GDF5: variants seen among roughly 807,000 people sequenced by gnomAD.
The protein encoded by GDF5 is growth differentiation factor 5.
In GDF5, 17 loss-of-function variants were observed where a neutral mutation model predicts 34.6. The ratio of observed to expected loss-of-function variants is 0.49; its 90% CI spans 0.34 to 0.74. GDF5 has a LOEUF of 0.74. Among genes scored for constraint, GDF5 ranks in the 30% least tolerant of loss-of-function variants. The pLI is 0.01. For missense variants in GDF5, 616 were observed against 661.2 expected, an observed-to-expected ratio of 0.93 and a Z score of 0.75; for synonymous variants, 332 against 290.7, an observed-to-expected ratio of 1.14 and a Z score of -1.44.
intron 1 of GDF5, among the ~76,000 whole-genome samples, chr20:35,443,418 A>T (rs1027910747): frequency 2.6e-5 from 4 of 152,098 alleles, no homozygotes; most frequent in Admixed American, 6.6e-5. Context: ...CCCTTCTGCC[A>T]TGTAGAGCCT....
At chr20:35,450,825 A>C (rs1479357970) in intron 1 of GDF5, among the ~76,000 whole-genome samples, 1 of 151,678 alleles carries the variant, frequency 6.6e-6, no homozygotes, top group East Asian at 1.9e-4. Context: ...CCCTAAGTGC[A>C]ATGGTATGGA....
At chr20:35,442,893 A>G (rs1358135892), upstream of GDF5, among the ~76,000 whole-genome samples, 1 of 152,086 alleles carries the variant, frequency 6.6e-6, no homozygotes, top group Non-Finnish European at 1.5e-5. Context: ...AGAAAGGTTA[A>G]ATTATTTTTT....
intron 1 of GDF5, chr20:35,435,089 C>T: frequency 1.6e-6 from 1 of 607,386 alleles, no homozygotes; most frequent in South Asian, 2.1e-5. Flanking sequence ...CTGCCTTCTA[C>T]CTATCTCTCT....
upstream of GDF5, among the ~76,000 whole-genome samples, chr20:35,442,233 G>A (rs1443652620): frequency 6.6e-6 from 1 of 152,026 alleles, no homozygotes; most frequent in East Asian, 1.9e-4. Context: ...TGCAACCCCC[G>A]CCTCCTGGGT....
Position 35,433,473 on chromosome 20 carries a change from T to C in GDF5, c.*436A>G. 1 of 333,272 alleles carries C rather than the reference T, an allele frequency of 3.0e-6. No individual in the cohort carries two copies. The highest frequency in any genetic ancestry group is 2.5e-5 in the South Asian group (1 of 39,748). The allele number at this position is 333,272 out of a possible 1,614,324, so 20.6% of individuals were successfully genotyped here. A position where few individuals can be genotyped will look rare whatever the true frequency, so the allele number is the denominator to read the frequency against. ...CTCCCACTCTTGCCCAGTCAGCTTC[T>C]CAACTGTCCCAGGGACAGGAAGTCA... On this transcript the variant is annotated 3_prime_UTR_variant, in exon 2 of 2. Coordinates refer to ENST00000374369, the MANE Select transcript of GDF5 (RefSeq NM_000557.5).
chr20:35,446,007 CAAT>C (rs2062512963), intron 1 of GDF5, among the ~76,000 whole-genome samples: 1 of 147,618 alleles, frequency 6.8e-6, no homozygotes, highest in Non-Finnish European at 1.5e-5. Context: ...AAAAATAAAA[CAAT>C]AAAATAAAAT....
intron 1 of GDF5, 152 bp downstream of exon 1, chr20:35,437,146 G>T (rs2062475500): frequency 6.2e-6 from 4 of 640,940 alleles, no homozygotes; most frequent in East Asian, 5.3e-5. Context: ...GATCTGCTAT[G>T]TGTGAGATAT....
chr20:35,437,553 C>T lies in GDF5; in HGVS notation c.376G>A (p.Gly126Arg). The change falls in exon 1 of 2, where the codon GGA becomes AGA. Residue 126 changes from glycine (G) to arginine (R), a missense_variant. By Grantham distance (125) the Gly-to-Arg change is moderately radical. Transcript: ENST00000374369. Reference sequence around the variant, plus strand: ...GGTGCCTTGCCTCCGGGAAGCTGTCCTTTTGGGGTCACAGTCCGGGCTGTA... The same window carrying T: ...GGTGCCTTGCCTCCGGGAAGCTGTCTTTTTGGGGTCACAGTCCGGGCTGTA... ...QATARTVTPK[G>R]QLPGGKAPPK... 1 of 1,614,166 alleles carries T rather than the reference C, an allele frequency of 6.2e-7. No individual in the cohort carries two copies. The highest frequency in any genetic ancestry group is 8.5e-7 in the Non-Finnish European group (1 of 1,180,018).
intron 1 of GDF5, among the ~76,000 whole-genome samples, chr20:35,435,869 T>C (rs1449147096): frequency 2.6e-5 from 4 of 152,214 alleles, no homozygotes; most frequent in Admixed American, 2.0e-4. Context: ...GTGTGACTAT[T>C]TGAAGAGCAC....
Position 35,437,902 on chromosome 20 carries a change from G to A in GDF5, c.27C>T (p.Phe9=), listed in dbSNP as rs1479993763. The A allele has an allele frequency of 1.2e-6, 2 of 1,614,000 alleles. No homozygotes were observed. Among genetic ancestry groups the A allele is most frequent in the Non-Finnish European group, 8.5e-7 (1 of 1,179,974 alleles). MRLPKLLT[F]LLWYLAWLDL... ...CCAGCCAAGCCAGGTACCAAAGCAAGAAAGTGAGGAGTTTGGGGAGTCTCA... is the reference window on the plus strand; with the variant it reads ...CCAGCCAAGCCAGGTACCAAAGCAAAAAAGTGAGGAGTTTGGGGAGTCTCA... Residue 9 remains phenylalanine, a synonymous_variant, in exon 1 of 2, where the codon TTC becomes TTT. Transcript: ENST00000374369.
intron 1 of GDF5, chr20:35,454,161 T>G (rs1758868805): frequency 2.6e-6 from 1 of 386,854 alleles, no homozygotes; most frequent in African/African-American, 2.1e-5. Context: ...GCATTAACAA[T>G]TTATACACAA....
chr20:35,441,481 GTC>G (rs2062497815), upstream of GDF5: 1 of 143,182 alleles, frequency 7.0e-6, no homozygotes, highest in Non-Finnish European at 1.5e-5. Flanking sequence ...TTTAGATGGA[GTC>G]TCACTCTGTC....
chr20:35,454,471 T>G (rs559183347), intron 1 of GDF5, among the ~76,000 whole-genome samples: 43 of 152,038 alleles, frequency 2.8e-4, no homozygotes, highest in African/African-American at 9.9e-4. Flanking sequence ...AAAAAAAAAT[T>G]TATACACAAA....
At chr20:35,450,406 T>C (rs2062527337) in intron 1 of GDF5, among the ~76,000 whole-genome samples, 1 of 152,140 alleles carries the variant, frequency 6.6e-6, no homozygotes, top group Admixed American at 6.5e-5. Flanking sequence ...GGAAAGTGGT[T>C]GACTTTTTTT....
rs886151915 is a variant in GDF5, at chr20:35,445,861, C to T, written c.-397-4474G>A. 2.3e-4 allele frequency among the ~76,000 whole-genome samples: 35 copies of T among 150,956 alleles called. No individual in the cohort carries two copies. In the East Asian group the frequency reaches 4.5e-3, roughly 19 times the overall value. ...GGTGCATGCCTGTAATCCCACTATT[C>T]GGGAGGCTGAGGCAGGAGAATTGCT... is the stretch of plus-strand genomic sequence containing the variant. On this transcript the variant is annotated intron_variant, in intron 1 of 3. Transcript: ENST00000374372.
At chr20:35,451,056 A>ATATATATATAT (rs2062530262) in intron 1 of GDF5, among the ~76,000 whole-genome samples, 12 of 67,032 alleles carry the variant, frequency 1.8e-4, no homozygotes, top group Admixed American at 4.1e-4. Flanking sequence ...AAAAAAAAAA[A>ATATATATATAT]AAAAAAAAAT....
upstream of GDF5, among the ~76,000 whole-genome samples, chr20:35,439,212 G>A (rs1421983336): frequency 6.6e-6 from 1 of 151,000 alleles, no homozygotes; most frequent in African/African-American, 2.4e-5. Context: ...ACAGGAGGCT[G>A]GAAAAGCCAT....
At chr20:35,446,275 A>T (rs2062513846) in intron 1 of GDF5, among the ~76,000 whole-genome samples, 1 of 152,066 alleles carries the variant, frequency 6.6e-6, no homozygotes, top group Non-Finnish European at 1.5e-5. Context: ...CAGCCATTGC[A>T]CTCCAGCCTG....
chr20:35,445,356 C>T (rs559181287), intron 1 of GDF5, among the ~76,000 whole-genome samples: 1 of 152,142 alleles, frequency 6.6e-6, no homozygotes, highest in South Asian at 2.1e-4. Context: ...CATAGCAAGA[C>T]CTGTCTCTAT....
Sources: allele counts gnomAD v4.1 joint callset (sites outside exome capture counted in the v4.1 genomes callset), GRCh38; gene constraint gnomAD v4.1.1; transcripts MANE v1.5; gene names NCBI Gene and HGNC (gene_info 2026-07-23, HGNC 2026-07-21).